Variants in SMTNL2 observed in about 807,000 individuals in gnomAD.
SMTNL2 encodes the protein smoothelin-like protein 2.
In SMTNL2, 43 loss-of-function variants were observed where a neutral mutation model predicts 44.1. The ratio of observed to expected loss-of-function variants is 0.98; its 90% CI spans 0.76 to 1.26. The LOEUF (loss-of-function observed/expected upper bound fraction) is 1.26. Among genes scored for constraint, SMTNL2 ranks in the 50% most tolerant of loss-of-function variants. The probability of loss-of-function intolerance (pLI) is 0.00; values close to 1 mark genes in which losing one functional copy is unlikely to be tolerated. For missense variants in SMTNL2, 646 were observed against 670.2 expected, an observed-to-expected ratio of 0.96 and a Z score of 0.40; for synonymous variants, 317 against 287.6, an observed-to-expected ratio of 1.10 and a Z score of -1.03.
rs74712494 is a variant in SMTNL2, at chr17:4,598,159, A to G, written c.1259+836A>G. ...GTCTGATAAGAGCTGCGCTTTGGGC[A>G]AATGGTTGCAGTCAGCTCGCTGCGA... On this transcript the variant is annotated intron_variant, in intron 7 of 7. Coordinates refer to ENST00000389313, the MANE Select transcript of SMTNL2 (RefSeq NM_001114974.2). The surrounding 1 kb of genome is among the most constrained non-coding windows in gnomAD (Gnocchi z 4.8). 1.3e-5 allele frequency among the ~76,000 whole-genome samples: 2 copies of G among 152,344 alleles called. No homozygotes were observed. Among genetic ancestry groups the G allele is most frequent in the East Asian group, 3.9e-4 (2 of 5,176 alleles).
intron 7 of SMTNL2, 122 bp downstream of exon 7, chr17:4,597,445 C>A: frequency 7.3e-7 from 1 of 1,368,128 alleles, no homozygotes. Flanking sequence ...CTGAAGGACC[C>A]TGGGGCCATG....
intron 5 of SMTNL2, 65 bp from the exon 6 acceptor site, chr17:4,596,795 C>T: frequency 7.4e-7 from 1 of 1,358,106 alleles, no homozygotes. Flanking sequence ...CTCCCCTGCC[C>T]CAGACCCGCA....
intron 7 of SMTNL2, among the ~76,000 whole-genome samples, chr17:4,604,465 C>G (rs544304821): frequency 6.6e-6 from 1 of 152,314 alleles, no homozygotes; most frequent in South Asian, 2.1e-4. Flanking sequence ...ATGTTACAGT[C>G]TTGTCTCTGG....
At position 4,595,150 on chromosome 17, in the gene SMTNL2, C is replaced by T. The variant is rs760739133; in HGVS notation, c.812C>T (p.Pro271Leu). Residue 271 changes from proline to leucine, a missense_variant, in exon 5 of 8, where the codon CCG becomes CTG. By Grantham distance (98) the Pro-to-Leu change is moderately conservative. Coordinates refer to ENST00000389313, the MANE Select transcript of SMTNL2 (RefSeq NM_001114974.2). This position sits in a 1 kb window ranked among gnomAD's most constrained non-coding sequence, Gnocchi z 5.1. ...VTASKHSNSP[P>L]LVTPPQSPVS... The stretch of plus-strand genomic sequence containing the variant: ...CTCGGCGATTCTTTCCTCAGCCCAC[C>T]GCTGGTGACACCACCCCAGTCGCCC... 14 of 1,613,174 alleles carry T rather than the reference C, an allele frequency of 8.7e-6. No individual in the cohort carries two copies. The highest frequency in any genetic ancestry group is 6.6e-5 in the South Asian group (6 of 91,082).
At chr17:4,591,452 T>C (rs1008965683) in intron 1 of SMTNL2, among the ~76,000 whole-genome samples, 1 of 152,202 alleles carries the variant, frequency 6.6e-6, no homozygotes, top group African/African-American at 2.4e-5. Context: ...ACGTGCCAGC[T>C]GTTTTTTGCT....
chr17:4,584,551 G>A lies in SMTNL2; in HGVS notation c.-55G>A. 8.2e-7 allele frequency: 1 copy of A among 1,214,980 alleles called. No homozygotes were observed. The highest frequency in any genetic ancestry group is 1.0e-6 in the Non-Finnish European group (1 of 976,914). The allele number at this position is 1,214,980 out of a possible 1,614,324, so 75.3% of individuals were successfully genotyped here. On this transcript the variant is annotated 5_prime_UTR_variant, in exon 1 of 8. Transcript: ENST00000389313. ...GCCAGTCGCGGCCCGGAGCTGCGGA[G>A]CTCGGATCTTCTCCCCCGTCTGGCC...
chr17:4,607,588 T>C lies in SMTNL2; in HGVS notation c.*101T>C. On this transcript the variant is annotated 3_prime_UTR_variant, in exon 8 of 8. Coordinates refer to ENST00000389313, the MANE Select transcript of SMTNL2 (RefSeq NM_001114974.2). This position sits in a 1 kb window ranked among gnomAD's most constrained non-coding sequence, Gnocchi z 4.7. ...TGCCCCCAGGAGCCTTGCCGTTTGG[T>C]GTGAGCGCGCTGTTTGTTCTGTGGC... 6.5e-7 allele frequency: 1 copy of C among 1,531,684 alleles called. No individual in the cohort carries two copies. The highest frequency in any genetic ancestry group is 8.8e-7 in the Non-Finnish European group (1 of 1,135,868). 94.9% of individuals were successfully genotyped at this position (1,531,684 alleles called of 1,614,324 possible). A position where few individuals can be genotyped will look rare whatever the true frequency, so the allele number is the denominator to read the frequency against.
In SMTNL2 at chr17:4,595,333, G is replaced by C; in HGVS notation, c.989+6G>C. 6.2e-7 allele frequency: 1 copy of C among 1,611,356 alleles called. No homozygotes were observed. ...CAGGAAACGGCGGCCGGCAAGTACG[G>C]ATGCCCACTCACAGACAGGCCCGGC... On this transcript the variant is annotated splice_donor_region_variant and intron_variant, in intron 5 of 7. Coordinates refer to ENST00000389313, the MANE Select transcript of SMTNL2 (RefSeq NM_001114974.2). This position sits in a 1 kb window ranked among gnomAD's most constrained non-coding sequence, Gnocchi z 5.1.
intron 7 of SMTNL2, among the ~76,000 whole-genome samples, chr17:4,603,241 C>T (rs1214182840): frequency 2.0e-5 from 3 of 152,106 alleles, no homozygotes; most frequent in African/African-American, 7.2e-5. Flanking sequence ...AGACCTGGTT[C>T]GGAGAGGTGG....
At chr17:4,602,783 T>C (rs1910103119) in intron 7 of SMTNL2, among the ~76,000 whole-genome samples, 1 of 152,060 alleles carries the variant, frequency 6.6e-6, no homozygotes, top group Non-Finnish European at 1.5e-5. Flanking sequence ...GAGGCGGAAT[T>C]TGGAGCTCCC....
chr17:4,592,390 G>C lies in SMTNL2; in HGVS notation c.429G>C (p.Ser143=). 2 of 1,613,690 alleles carry C rather than the reference G, an allele frequency of 1.2e-6. No homozygotes were observed. The highest frequency in any genetic ancestry group is 1.7e-6 in the Non-Finnish European group (2 of 1,179,978). The change falls in exon 2 of 8, where the codon TCG becomes TCC. Residue 143 remains serine (S), a synonymous_variant. Coordinates refer to ENST00000389313, the MANE Select transcript of SMTNL2 (RefSeq NM_001114974.2). The surrounding 1 kb of genome is among the most constrained non-coding windows in gnomAD (Gnocchi z 4.5). The stretch of plus-strand genomic sequence containing the variant: ...TGGATCACGATGAGGCCAGTGAGTC[G>C]GAGATGAGAAAGACCTCAAACTCCT... The part of the protein sequence containing the change: ...QSLDHDEASE[S]EMRKTSNSCI...
chr17:4,601,287 C>CACCTGTGG (rs1910018579), intron 7 of SMTNL2, among the ~76,000 whole-genome samples: 1 of 152,036 alleles, frequency 6.6e-6, no homozygotes. Flanking sequence ...TGGTGGTGCA[C>CACCTGTGG]ACCTGTGGTC....
At position 4,593,814 on chromosome 17, in the gene SMTNL2, T is replaced by G; in HGVS notation, c.731-8T>G. 6.2e-7 allele frequency: 1 copy of G among 1,613,412 alleles called. No homozygotes were observed. The highest frequency in any genetic ancestry group is 1.3e-5 in the African/African-American group (1 of 75,044). The stretch of plus-strand genomic sequence containing the variant: ...GGTTTGTTACTTCTCTCCCTCTCTC[T>G]TCCACAGAGAAGAATTCCTCTTTCA... On this transcript the variant is annotated splice_region_variant and splice_polypyrimidine_tract_variant and intron_variant, in intron 3 of 7. Transcript: ENST00000389313.
chr17:4,586,473 T>C (rs1235071905), intron 1 of SMTNL2, among the ~76,000 whole-genome samples: 2 of 150,750 alleles, frequency 1.3e-5, no homozygotes, highest in South Asian at 2.1e-4. Flanking sequence ...AAAAAAAATG[T>C]CAGGTTCACA....
chr17:4,586,499 G>A (rs1909350356), intron 1 of SMTNL2, among the ~76,000 whole-genome samples: 2 of 117,524 alleles, frequency 1.7e-5, no homozygotes, highest in Non-Finnish European at 3.5e-5. Context: ...ATGTAGATGT[G>A]TGTGTACACA....
chr17:4,587,516 G>A (rs1268361427), intron 1 of SMTNL2, among the ~76,000 whole-genome samples: 3 of 152,202 alleles, frequency 2.0e-5, no homozygotes, highest in African/African-American at 4.8e-5. Context: ...GGGTGAGACT[G>A]GAGTGTGGAC....
Position 4,607,529 on chromosome 17 carries a change from G to A in SMTNL2, c.*42G>A, listed in dbSNP as rs1427107658. The A allele has an allele frequency of 1.3e-6, 2 of 1,599,314 alleles. No homozygotes were observed. Among genetic ancestry groups the A allele is most frequent in the South Asian group, 1.1e-5 (1 of 90,470 alleles). Reference sequence around the variant, plus strand: ...TTGCCAAAGAGCAGCCCCAGGAAGAGGCCGGGGGTCCGCTTGCGATTCCCC... The same window carrying A: ...TTGCCAAAGAGCAGCCCCAGGAAGAAGCCGGGGGTCCGCTTGCGATTCCCC... On this transcript the variant is annotated 3_prime_UTR_variant, in exon 8 of 8. Coordinates refer to ENST00000389313, the MANE Select transcript of SMTNL2 (RefSeq NM_001114974.2). The surrounding 1 kb of genome is among the most constrained non-coding windows in gnomAD (Gnocchi z 4.7).
rs1352821524 is a variant in SMTNL2, at chr17:4,596,986, C to T, written c.1107+9C>T. 21 of 1,492,804 alleles carry T rather than the reference C, an allele frequency of 1.4e-5. No homozygotes were observed. The highest frequency in any genetic ancestry group is 1.0e-4 in the East Asian group (4 of 40,192). The allele number at this position is 1,492,804 out of a possible 1,614,324, so 92.5% of individuals were successfully genotyped here. On this transcript the variant is annotated intron_variant, in intron 6 of 7. Coordinates refer to ENST00000389313, the MANE Select transcript of SMTNL2 (RefSeq NM_001114974.2). ...AGACGCTGGGCTACCAGGTGAGCCC[C>T]GGCTCCCCTCCGGCTGCTGGGACGC...
intron 1 of SMTNL2, among the ~76,000 whole-genome samples, chr17:4,590,999 A>G (rs963038941): frequency 6.6e-6 from 1 of 152,184 alleles, no homozygotes; most frequent in Non-Finnish European, 1.5e-5. Context: ...CTGCAAAAGC[A>G]GACACTAATC....
Sources: gnomAD v4.1 joint callset for allele counts (sites outside exome capture counted in the v4.1 genomes callset) on GRCh38, gnomAD v4.1.1 for gene constraint, Gnocchi (gnomAD v3.1) non-coding constraint, MANE v1.5 for transcripts, NCBI Gene and HGNC (gene_info 2026-07-23, HGNC 2026-07-21) for gene names.